Variants in FBN3 observed in about 807,000 individuals in gnomAD.
FBN3 encodes the protein fibrillin 3.
FBN3 carries 234 observed loss-of-function variants against 330.1 expected under a neutral mutation model. The observed-to-expected ratio is 0.71, with a 90% CI of 0.64 to 0.79. FBN3 has a LOEUF of 0.79. Ranked by LOEUF, FBN3 falls within the 30% of genes least tolerant of loss-of-function variation. FBN3 has a pLI of 0.00. For missense variants in FBN3, 3,606 were observed against 3,886.9 expected, an observed-to-expected ratio of 0.93 and a Z score of 1.92; for synonymous variants, 1,458 against 1,517.3, an observed-to-expected ratio of 0.96 and a Z score of 0.91.
chr19:8,086,943 C>G, intron 54 of FBN3, 134 bp downstream of exon 54: 3 of 1,103,084 alleles, frequency 2.7e-6, no homozygotes, highest in Non-Finnish European at 3.7e-6. Context: ...TGGGCTCAAG[C>G]GATCCTCTCG....
intron 48 of FBN3, 60 bp from the exon 49 acceptor site, chr19:8,090,311 T>C: frequency 1.3e-6 from 2 of 1,591,860 alleles, no homozygotes; most frequent in Non-Finnish European, 1.7e-6. Context: ...CACCTGCCCC[T>C]GTGACCTCCC....
intron 55 of FBN3, 144 bp downstream of exon 55, chr19:8,086,056 A>ACAGGCAGTGGGGGG (rs2081943318): frequency 4.7e-4 from 47 of 100,638 alleles, no homozygotes; most frequent in South Asian, 1.5e-3. Context: ...CAGTGGGGGG[A>ACAGGCAGTGGGGGG]ACAGGCAGTG....
At position 8,113,446 on chromosome 19, in the gene FBN3, A is replaced by G. The variant is rs1196859547; in HGVS notation, c.3839-1347T>C. On this transcript the variant is annotated intron_variant, in intron 30 of 63. Transcript: ENST00000600128. The stretch of plus-strand genomic sequence containing the variant: ...TGCCTGGCTATTTTTTAAAATTTTT[A>G]TCTCAAACACCTGAGCTCAAGAATC... Among the ~76,000 whole-genome samples the G allele has an allele frequency of 2.0e-5, 3 of 152,232 alleles. No homozygotes were observed. In the East Asian group the frequency reaches 5.8e-4, roughly 29 times the overall value.
chr19:8,073,768 G>A (rs913280687), intron 61 of FBN3, among the ~76,000 whole-genome samples: 3 of 152,116 alleles, frequency 2.0e-5, no homozygotes, highest in South Asian at 2.1e-4. Context: ...CAGCCTTGAC[G>A]TCCTGGGCTC....
At chr19:8,135,937 C>CGGGCCCG in intron 13 of FBN3, 24 bp downstream of exon 13, 1 of 116,776 alleles carries the variant, frequency 8.6e-6, no homozygotes, top group Non-Finnish European at 1.6e-5. Context: ...GAAGCCCCTG[C>CGGGCCCG]CCACCCGCCC....
chr19:8,114,158 A>G (rs1263743583), intron 30 of FBN3, among the ~76,000 whole-genome samples: 2 of 152,120 alleles, frequency 1.3e-5, no homozygotes, highest in Non-Finnish European at 2.9e-5. Flanking sequence ...CTGAGCCCCC[A>G]AGAAGGTACT....
chr19:8,102,206 TTTTTTTTA>T (rs2082342030), intron 40 of FBN3, among the ~76,000 whole-genome samples: 1 of 145,392 alleles, frequency 6.9e-6, no homozygotes, highest in Admixed American at 7.1e-5. Flanking sequence ...AAGTCCTCCT[TTTTTTTTA>T]TTTTTTTATT....
At chr19:8,084,803 G>T (rs55942656) in intron 56 of FBN3, among the ~76,000 whole-genome samples, 46,778 of 151,342 alleles carry the variant, frequency 0.31, 7,756 homozygotes, top group Admixed American at 0.39. Context: ...GACCAGGGTG[G>T]TCTCAAACTC....
chr19:8,120,165 CTTT>C (rs34799960), intron 25 of FBN3, among the ~76,000 whole-genome samples: 3 of 127,912 alleles, frequency 2.3e-5, no homozygotes, highest in Admixed American at 8.3e-5. Flanking sequence ...TTCTTTCTTT[CTTT>C]TTTTTTTTTT....
intron 6 of FBN3, among the ~76,000 whole-genome samples, chr19:8,143,651 T>A (rs144184639): frequency 2.7e-3 from 409 of 151,770 alleles, no homozygotes; most frequent in African/African-American, 9.4e-3. Flanking sequence ...CCACACCCAG[T>A]TACATTTTTT....
Position 8,111,179 on chromosome 19 carries a change from CCT to C in FBN3, c.4087_4088del (p.Arg1363GlyfsTer2), listed in dbSNP as rs1295090536. ...GGTCCACGTTCTCGGCACATTCATC[CCT>C]GTCTGAGGGGCCCCAAGATTCGGAG... ...FAGDGFFCEDRDECAENVDLC... is the reference protein window; with the variant it reads ...FAGDGFFCEDXDECAENVDLC... On this transcript the variant is annotated frameshift_variant and splice_region_variant, in exon 33 of 64. Transcript: ENST00000600128. LOFTEE classifies it high-confidence loss of function. 6.3e-7 allele frequency: 1 copy of C among 1,596,738 alleles called. No individual in the cohort carries two copies. Among genetic ancestry groups the C allele is most frequent in the East Asian group, 2.2e-5 (1 of 44,756 alleles).
Position 8,065,581 on chromosome 19 carries a change from C to G in FBN3, c.*338G>C, listed in dbSNP as rs1200598502. 1.1e-5 allele frequency: 3 copies of G among 280,008 alleles called. No individual in the cohort carries two copies. Among genetic ancestry groups the G allele is most frequent in the Non-Finnish European group, 2.0e-5 (3 of 151,062 alleles). 17.3% of individuals were successfully genotyped at this position (280,008 alleles called of 1,614,324 possible). On this transcript the variant is annotated 3_prime_UTR_variant, in exon 64 of 64. Transcript: ENST00000600128. The stretch of plus-strand genomic sequence containing the variant: ...CCATGTCCTGCCAACCCCCTGCCCC[C>G]CGCCAGGGCAAGCCACAGTGCAGTA...
At position 8,096,513 on chromosome 19, in the gene FBN3, T is replaced by C. The variant is rs1599329129; in HGVS notation, c.5470A>G (p.Thr1824Ala). The C allele has an allele frequency of 7.4e-6, 12 of 1,613,958 alleles. No individual in the cohort carries two copies. Among genetic ancestry groups the C allele is most frequent in the Middle Eastern group, 1.6e-4 (1 of 6,062 alleles). Residue 1824 changes from threonine to alanine, a missense_variant, in exon 44 of 64, where the codon ACA (threonine) becomes GCA (alanine). Thr to Ala is a moderately conservative substitution (Grantham distance 58). Transcript: ENST00000600128. This position sits in a 1 kb window ranked among gnomAD's most constrained non-coding sequence, Gnocchi z 4.6. ...CACAGACACATGTAGCTGCCTTCTG[T>C]GTCCATGCAGTCACCATGGCTACAG... ...NVCSHGDCMD[T>A]EGSYMCLCHR...
In FBN3 at chr19:8,072,720, G is replaced by GCACACACACA. The variant is rs61403969; in HGVS notation, c.7937+333_7937+342dup. On this transcript the variant is annotated intron_variant, in intron 62 of 63. Coordinates refer to ENST00000600128, the MANE Select transcript of FBN3 (RefSeq NM_032447.5). ...AGTGCACACTGGGACATGCGCGCGT[G>GCACACACACA]CACACACACACACACACACACACGT... Among the ~76,000 whole-genome samples the GCACACACACA allele has an allele frequency of 9.2e-3, 1,373 of 149,562 alleles. 4 individuals are homozygous for GCACACACACA. Among genetic ancestry groups the GCACACACACA allele is most frequent in the Non-Finnish European group, 0.013 (868 of 67,268 alleles).
At chr19:8,145,228 G>A (rs1027239394) in intron 5 of FBN3, among the ~76,000 whole-genome samples, 8 of 151,982 alleles carry the variant, frequency 5.3e-5, no homozygotes, top group Admixed American at 3.3e-4. Flanking sequence ...ACAAAAATTA[G>A]CCAGGCATGG....
intron 23 of FBN3, 68 bp from the exon 24 acceptor site, chr19:8,123,657 T>G: frequency 6.2e-7 from 1 of 1,604,348 alleles, no homozygotes; most frequent in Non-Finnish European, 8.5e-7. Flanking sequence ...AAGCCCTCCC[T>G]GGGTTCTTAG....
At chr19:8,087,282 C>T (rs1405543431) in intron 53 of FBN3, 71 bp from the exon 54 acceptor site, 1 of 1,470,860 alleles carries the variant, frequency 6.8e-7, no homozygotes, top group East Asian at 2.4e-5. Context: ...TGGATTCCAC[C>T]CTGCGTCAGC....
Position 8,147,306 on chromosome 19 carries a change from C to A in FBN3, c.167+8G>T. On this transcript the variant is annotated splice_region_variant and intron_variant, in intron 2 of 63. Transcript: ENST00000600128. ...AAGGGGTCTCCCAGCATCCCAGGTACCACGCACCCCTGCAAGATGCCTGGG... is the reference window on the plus strand; with the variant it reads ...AAGGGGTCTCCCAGCATCCCAGGTAACACGCACCCCTGCAAGATGCCTGGG... 4 of 1,591,046 alleles carry A rather than the reference C, an allele frequency of 2.5e-6. No individual in the cohort carries two copies. Among genetic ancestry groups the A allele is most frequent in the Non-Finnish European group, 3.4e-6 (4 of 1,170,522 alleles).
Position 8,097,312 on chromosome 19 carries a change from T to C in FBN3, c.5264A>G (p.Asn1755Ser). The change falls in exon 42 of 64, where the codon AAC (asparagine) becomes AGC (serine). Residue 1755 changes from asparagine (N) to serine (S), a missense_variant. Asn to Ser is a conservative substitution (Grantham distance 46, BLOSUM62 1). Coordinates refer to ENST00000600128, the MANE Select transcript of FBN3 (RefSeq NM_032447.5). ...ACCTTCACAAGCCAGCAGGATGCTGTTGTAGTTGAAGCCTGCGGGGCACTC... is the reference window on the plus strand; with the variant it reads ...ACCTTCACAAGCCAGCAGGATGCTGCTGTAGTTGAAGCCTGCGGGGCACTC... ...RCECPAGFNY[N>S]SILLACEDVD... 6.2e-7 allele frequency: 1 copy of C among 1,609,600 alleles called. No individual in the cohort carries two copies. Among genetic ancestry groups the C allele is most frequent in the South Asian group, 1.1e-5 (1 of 90,576 alleles).
Sources: allele counts gnomAD v4.1 joint callset (sites outside exome capture counted in the v4.1 genomes callset), GRCh38; gene constraint gnomAD v4.1.1; non-coding constraint Gnocchi (gnomAD v3.1); transcripts MANE v1.5; gene names NCBI Gene and HGNC (gene_info 2026-07-23, HGNC 2026-07-21).